QKI: variants seen among roughly 807,000 people sequenced by gnomAD.
The protein encoded by QKI is KH domain-containing RNA-binding protein QKI.
A neutral mutation model predicts 39.0 loss-of-function variants in QKI; 10 were observed. The observed-to-expected ratio is 0.26, with a 90% CI of 0.16 to 0.43. The LOEUF (loss-of-function observed/expected upper bound fraction) is 0.43, where lower values mean the gene tolerates loss of function less well. Ranked by LOEUF, QKI falls within the 20% of genes least tolerant of loss-of-function variation. QKI has a pLI of 1.00. For missense variants in QKI, 218 were observed against 428.0 expected (o/e 0.51, Z 4.33); for synonymous variants, 204 against 155.4 (o/e 1.31, Z -2.33).
chr6:163,463,471 C>T (rs1223039250), intron 2 of QKI, among the ~76,000 whole-genome samples: 5 of 152,118 alleles, frequency 3.3e-5, no homozygotes, highest in Non-Finnish European at 4.4e-5. Context: ...TGTTGAATAA[C>T]GTAGTCCTTG....
intron 1 of QKI, chr6:163,429,145 A>G (rs886561865): frequency 4.6e-5 from 7 of 152,326 alleles, no homozygotes; most frequent in East Asian, 1.9e-4. Context: ...AATTTTGTCT[A>G]TACATTTTAA....
intron 2 of QKI, among the ~76,000 whole-genome samples, chr6:163,473,277 C>T (rs918961612): frequency 2.0e-5 from 3 of 152,088 alleles, no homozygotes; most frequent in African/African-American, 7.2e-5. Context: ...GAAAGGGGCT[C>T]TAAGAGAGTA....
intron 2 of QKI, among the ~76,000 whole-genome samples, chr6:163,473,307 C>T (rs115673897): frequency 9.9e-5 from 15 of 152,122 alleles, no homozygotes; most frequent in African/African-American, 3.6e-4. Context: ...AAGACTAACA[C>T]TGAGGCATAT....
At chr6:163,495,593 G>A (rs1778357706) in intron 3 of QKI, among the ~76,000 whole-genome samples, 1 of 152,012 alleles carries the variant, frequency 6.6e-6, no homozygotes, top group African/African-American at 2.4e-5. Context: ...GTTATTTGAT[G>A]GACATTCTAA....
In QKI at chr6:163,574,326, A is replaced by C. The variant is rs762793963; in HGVS notation, c.*3616A>C. 2.0e-5 allele frequency: 3 copies of C among 152,150 alleles called. No individual in the cohort carries two copies. Among genetic ancestry groups the C allele is most frequent in the Non-Finnish European group, 2.9e-5 (2 of 68,030 alleles). The allele number at this position is 152,150 out of a possible 1,614,324, so 9.4% of individuals were successfully genotyped here. The stretch of plus-strand genomic sequence containing the variant: ...TTACCTTTATTTAGATTTTTGTTTT[A>C]ACTTGACCTTTTTCCTTTGGAAAGC... On this transcript the variant is annotated 3_prime_UTR_variant, in exon 8 of 8. Coordinates refer to ENST00000361752, the MANE Select transcript of QKI (RefSeq NM_006775.3).
chr6:163,529,096 T>A (rs1780687948), intron 3 of QKI, among the ~76,000 whole-genome samples: 1 of 151,764 alleles, frequency 6.6e-6, no homozygotes, highest in African/African-American at 2.4e-5. Flanking sequence ...CTCATAAGAG[T>A]TATTGTAGAA....
At chr6:163,559,142 G>C (rs895592074) in intron 4 of QKI, among the ~76,000 whole-genome samples, 1 of 152,096 alleles carries the variant, frequency 6.6e-6, no homozygotes, top group African/African-American at 2.4e-5. Flanking sequence ...TATCCAAAAG[G>C]AGCAGTTCAG....
chr6:163,565,654 G>A, intron 6 of QKI: 1 of 1,067,196 alleles, frequency 9.4e-7, no homozygotes, highest in African/African-American at 1.6e-5. Context: ...AGTGCCCAAT[G>A]AAAAAATCTA....
chr6:163,500,692 T>G (rs1352042161), intron 3 of QKI, among the ~76,000 whole-genome samples: 2 of 152,114 alleles, frequency 1.3e-5, no homozygotes. Context: ...GAAATTTAAA[T>G]AAACAACTGA....
intron 1 of QKI, among the ~76,000 whole-genome samples, chr6:163,421,184 T>C (rs148519387): frequency 1.5e-4 from 23 of 152,384 alleles, no homozygotes; most frequent in Admixed American, 3.3e-4. Flanking sequence ...AAGGCACTTA[T>C]ATGTTTTCTT....
intron 7 of QKI, 124 bp from the exon 8 acceptor site, chr6:163,570,566 CTTTT>C (rs565056784): frequency 2.9e-6 from 4 of 1,359,034 alleles, no homozygotes; most frequent in South Asian, 1.5e-5. Context: ...ATTAAACATG[CTTTT>C]TTTTTTATTA....
At chr6:163,508,548 T>A (rs1451687357) in intron 3 of QKI, among the ~76,000 whole-genome samples, 1 of 134,100 alleles carries the variant, frequency 7.5e-6, no homozygotes, top group Non-Finnish European at 1.6e-5. Context: ...TTTTTTTTTA[T>A]GATGGCGTTT....
intron 2 of QKI, among the ~76,000 whole-genome samples, chr6:163,465,329 A>G (rs75298393): frequency 0.028 from 4,238 of 152,218 alleles, 194 homozygotes; most frequent in African/African-American, 0.096. Context: ...AGTTAGGCCA[A>G]GAAAAAGAAA....
At chr6:163,563,127 A>G (rs577248576) in intron 5 of QKI, among the ~76,000 whole-genome samples, 21 of 152,302 alleles carry the variant, frequency 1.4e-4, no homozygotes, top group Non-Finnish European at 2.4e-4. Flanking sequence ...GTCTTATGAA[A>G]TCTTAGATAT....
At chr6:163,569,932 G>A (rs1262674664) in intron 7 of QKI, 3 of 986,562 alleles carry the variant, frequency 3.0e-6, no homozygotes, top group African/African-American at 1.7e-5. Flanking sequence ...ACATGCAAGT[G>A]CATTTTATAA....
At chr6:163,565,783 A>G (rs748060283) in intron 6 of QKI, 507 of 1,309,778 alleles carry the variant, frequency 3.9e-4, no homozygotes, top group Non-Finnish European at 4.6e-4. Flanking sequence ...CACACAGATA[A>G]CATGCATGCT....
At chr6:163,519,862 C>A (rs1200227611) in intron 3 of QKI, among the ~76,000 whole-genome samples, 1 of 151,946 alleles carries the variant, frequency 6.6e-6, no homozygotes, top group East Asian at 1.9e-4. Context: ...TCATTGCATT[C>A]ACATTTTAGT....
intron 4 of QKI, among the ~76,000 whole-genome samples, chr6:163,554,501 A>G (rs1170896194): frequency 1.3e-5 from 2 of 152,242 alleles, no homozygotes; most frequent in African/African-American, 4.8e-5. Context: ...TTTTTCTACC[A>G]GCTGTATAGG....
At chr6:163,452,547 G>T (rs1271003309) in intron 1 of QKI, among the ~76,000 whole-genome samples, 3 of 152,132 alleles carry the variant, frequency 2.0e-5, no homozygotes, top group African/African-American at 7.2e-5. Flanking sequence ...AGGGCCAGCT[G>T]TGTTCCAGGC....
Sources: gnomAD v4.1 joint callset for allele counts (sites outside exome capture counted in the v4.1 genomes callset) on GRCh38, gnomAD v4.1.1 for gene constraint, MANE v1.5 for transcripts, NCBI Gene and HGNC (gene_info 2026-07-23, HGNC 2026-07-21) for gene names.